The following FRMPD1 variants were observed in gnomAD, a reference collection of about 807,000 sequenced individuals.
FRMPD1 encodes the protein FERM and PDZ domain-containing protein 1.
A neutral mutation model predicts 117.8 loss-of-function variants in FRMPD1; 76 were observed. The ratio of observed to expected loss-of-function variants is 0.65; its 90% CI spans 0.54 to 0.78. The LOEUF (loss-of-function observed/expected upper bound fraction) is 0.78. Ranked by LOEUF, FRMPD1 falls within the 30% of genes least tolerant of loss-of-function variation. The probability of loss-of-function intolerance (pLI) is 0.00; values close to 1 mark genes in which losing one functional copy is unlikely to be tolerated. For synonymous variants in FRMPD1, 783 were observed against 770.4 expected (o/e 1.02, Z -0.27); for missense variants, 1,786 against 1,964.5 (o/e 0.91, Z 1.72).
At chr9:37,697,085 T>A (rs1822346924) in intron 2 of FRMPD1, among the ~76,000 whole-genome samples, 3 of 152,212 alleles carry the variant, frequency 2.0e-5, no homozygotes, top group Non-Finnish European at 4.4e-5. Flanking sequence ...AAATTTTAGA[T>A]TAATTTTCAG....
At position 37,745,213 on chromosome 9, in the gene FRMPD1, A is replaced by G. The variant is rs746026999; in HGVS notation, c.3181A>G (p.Thr1061Ala). Residue 1061 changes from threonine (T) to alanine (A), a missense_variant, in exon 16 of 16, where the codon ACA (threonine) becomes GCA (alanine). Transcript: ENST00000377765. ...QLEMGLESFC[T>A]NHIQETAPKY... ...GGAAATGGGATTGGAATCTTTTTGT[A>G]CAAATCATATACAAGAAACTGCCCC... 1.2e-6 allele frequency: 2 copies of G among 1,613,698 alleles called. No homozygotes were observed. Among genetic ancestry groups the G allele is most frequent in the South Asian group, 2.2e-5 (2 of 91,078 alleles).
In FRMPD1 at chr9:37,745,935, A is replaced by G. The variant is rs781083328; in HGVS notation, c.3903A>G (p.Glu1301=). Reference sequence around the variant, plus strand: ...AGTCTTTTCTGTGCTTTGCCCCAGAAAGCCATCCTGAAGTCTCTGCCAGTC... The same window carrying G: ...AGTCTTTTCTGTGCTTTGCCCCAGAGAGCCATCCTGAAGTCTCTGCCAGTC... ...AEKSFLCFAP[E]SHPEVSASLR... Residue 1301 remains glutamate (E), a synonymous_variant, in exon 16 of 16, where the codon GAA becomes GAG. Transcript: ENST00000377765. 1.9e-5 allele frequency: 30 copies of G among 1,614,108 alleles called. No individual in the cohort carries two copies. The highest frequency in any genetic ancestry group is 2.4e-5 in the Non-Finnish European group (28 of 1,180,036).
the FRMPD1 span, among the ~76,000 whole-genome samples, chr9:37,620,411 C>T: frequency 6.6e-6 from 1 of 152,082 alleles, no homozygotes. Flanking sequence ...CCATATTCTT[C>T]ACAGGGCTGC....
the FRMPD1 span, among the ~76,000 whole-genome samples, chr9:37,631,310 A>G: frequency 0.019 from 2,925 of 152,368 alleles, 91 homozygotes; most frequent in African/African-American, 0.066. Context: ...ATAAATACAG[A>G]TCTGGAAACC....
the FRMPD1 span, among the ~76,000 whole-genome samples, chr9:37,643,307 C>A: frequency 2.0e-5 from 3 of 151,414 alleles, no homozygotes; most frequent in East Asian, 5.8e-4. Flanking sequence ...TTATTTTTTT[C>A]CTCCATTTGG....
At chr9:37,616,051 A>C in the FRMPD1 span, among the ~76,000 whole-genome samples, 10 of 151,238 alleles carry the variant, frequency 6.6e-5, no homozygotes, top group Non-Finnish European at 1.2e-4. Context: ...TCCTGACCTC[A>C]AGTGATCCAC....
intron 5 of FRMPD1, among the ~76,000 whole-genome samples, chr9:37,713,359 C>T (rs933231091): frequency 3.2e-4 from 48 of 152,156 alleles, no homozygotes; most frequent in African/African-American, 9.2e-4. Flanking sequence ...GCCTGTAATC[C>T]CAGCATTTTG....
At chr9:37,643,558 C>T in the FRMPD1 span, among the ~76,000 whole-genome samples, 1 of 152,044 alleles carries the variant, frequency 6.6e-6, no homozygotes, top group Admixed American at 6.6e-5. Flanking sequence ...TCATTTCTTT[C>T]TAGTCTCTGC....
chr9:37,656,240 G>C (rs915964331), intron 1 of FRMPD1, among the ~76,000 whole-genome samples: 2 of 152,204 alleles, frequency 1.3e-5, no homozygotes, highest in African/African-American at 2.4e-5. Flanking sequence ...GAAACATGAG[G>C]CTGATGCTTA....
intron 1 of FRMPD1, among the ~76,000 whole-genome samples, chr9:37,690,434 T>C (rs1047234563): frequency 1.3e-5 from 2 of 152,214 alleles, no homozygotes; most frequent in Admixed American, 1.3e-4. Context: ...CTCTGTTTCT[T>C]CTGAATTTTT....
At chr9:37,709,888 G>A (rs554491380) in intron 4 of FRMPD1, among the ~76,000 whole-genome samples, 7 of 152,228 alleles carry the variant, frequency 4.6e-5, no homozygotes, top group Non-Finnish European at 8.8e-5. Context: ...CCCCCTGGAA[G>A]GGCGAGCAGT....
In FRMPD1 at chr9:37,740,312, CTG is replaced by C. The variant is rs1269456231; in HGVS notation, c.1785_1786del (p.Ser597ProfsTer10). 1 of 1,613,908 alleles carries C rather than the reference CTG, an allele frequency of 6.2e-7. No homozygotes were observed. Among genetic ancestry groups the C allele is most frequent in the Non-Finnish European group, 8.5e-7 (1 of 1,180,028 alleles). On this transcript the variant is annotated frameshift_variant, in exon 15 of 16. Coordinates refer to ENST00000377765, the MANE Select transcript of FRMPD1 (RefSeq NM_014907.3). LOFTEE classifies it high-confidence loss of function. This position sits in a 1 kb window ranked among gnomAD's most constrained non-coding sequence, Gnocchi z 4.2. ...TCCGAGGCGTCCGACTCAGCCAACA[CTG>C]AGAGCCGCGGCTACAGGACCAGTGG...
chr9:37,647,442 G>A (rs534370262), upstream of FRMPD1, among the ~76,000 whole-genome samples: 5 of 151,304 alleles, frequency 3.3e-5, no homozygotes, highest in East Asian at 9.7e-4. Flanking sequence ...AACCCAGGAG[G>A]AGGAGCTTGC....
chr9:37,702,754 T>C (rs12380058), intron 2 of FRMPD1, among the ~76,000 whole-genome samples: 51,263 of 152,022 alleles, frequency 0.34, 9,427 homozygotes, highest in Non-Finnish European at 0.43. Flanking sequence ...AGAATAATTC[T>C]AGTTCTCACT....
intron 1 of FRMPD1, among the ~76,000 whole-genome samples, chr9:37,691,842 G>T (rs1343452063): frequency 6.6e-6 from 1 of 152,220 alleles, no homozygotes; most frequent in Non-Finnish European, 1.5e-5. Flanking sequence ...GGGAGGTGGA[G>T]GTTGCTGTGA....
At chr9:37,603,478 G>C in the FRMPD1 span, among the ~76,000 whole-genome samples, 1 of 152,140 alleles carries the variant, frequency 6.6e-6, no homozygotes, top group African/African-American at 2.4e-5. Flanking sequence ...AGAGACTTCT[G>C]GGACACAATA....
the FRMPD1 span, among the ~76,000 whole-genome samples, chr9:37,629,208 A>T: frequency 2.0e-5 from 3 of 152,124 alleles, no homozygotes; most frequent in African/African-American, 7.2e-5. Flanking sequence ...CCAAAAAAAA[A>T]AGAAATTCTA....
chr9:37,689,979 C>T (rs1238481589), intron 1 of FRMPD1, among the ~76,000 whole-genome samples: 1 of 151,846 alleles, frequency 6.6e-6, no homozygotes, highest in African/African-American at 2.4e-5. Context: ...AATGTTGTTA[C>T]TTGATGTGGG....
intron 7 of FRMPD1, among the ~76,000 whole-genome samples, chr9:37,726,733 T>A (rs938314264): frequency 3.3e-5 from 5 of 150,358 alleles, no homozygotes; most frequent in African/African-American, 1.2e-4. Flanking sequence ...ATAAATAAAT[T>A]ACCCAGGGTT....
Sources: allele counts gnomAD v4.1 joint callset (sites outside exome capture counted in the v4.1 genomes callset), GRCh38; gene constraint gnomAD v4.1.1; non-coding constraint Gnocchi (gnomAD v3.1); transcripts MANE v1.5; gene names NCBI Gene and HGNC (gene_info 2026-07-23, HGNC 2026-07-21).